POLR1C: variants seen among roughly 807,000 people sequenced by gnomAD.
The protein encoded by POLR1C is RNA polymerase I and III subunit C.
POLR1C carries 42 observed loss-of-function variants against 38.3 expected under a neutral mutation model. The ratio of observed to expected loss-of-function variants is 1.10; its 90% CI spans 0.86 to 1.42. The LOEUF (loss-of-function observed/expected upper bound fraction) is 1.42. Ranked by LOEUF, POLR1C falls within the 40% of genes most tolerant of loss-of-function variation. The probability of loss-of-function intolerance (pLI) is 0.00; values close to 1 mark genes in which losing one functional copy is unlikely to be tolerated. For synonymous variants in POLR1C, 163 were observed against 163.9 expected, an observed-to-expected ratio of 0.99 and a Z score of 0.04; for missense variants, 507 against 450.5, an observed-to-expected ratio of 1.13 and a Z score of -1.14.
At chr6:43,525,804 A>AAGGAGTAAAGGTATCACCTGCTC, downstream of POLR1C, 1 of 1,604,602 alleles carries the variant, frequency 6.2e-7, no homozygotes, top group Non-Finnish European at 8.5e-7. Flanking sequence ...CCACCTGGGC[A>AAGGAGTAAAGGTATCACCTGCTC]AGGAGTAAAG....
In POLR1C at chr6:43,553,462, C is replaced by T. The variant is rs111387355; in HGVS notation, c.*48+2451C>T. On this transcript the variant is annotated intron_variant, in intron 10 of 10. Transcript: ENST00000607635. ...CACTGCACGAATGAAGGTGAGAAGA[C>T]GGAACAGAGGCTTCCTTCTCCAGTT... is the stretch of plus-strand genomic sequence containing the variant. 1.7e-5 allele frequency: 27 copies of T among 1,577,190 alleles called. No homozygotes were observed. In the African/African-American group the frequency reaches 1.8e-4, roughly 10 times the overall value.
chr6:43,557,427 A>G (rs112903748), intron 10 of POLR1C, among the ~76,000 whole-genome samples: 1 of 151,402 alleles, frequency 6.6e-6, no homozygotes, highest in African/African-American at 2.4e-5. Context: ...CTCCATCTCA[A>G]AAAAAAAAGA....
Position 43,520,366 on chromosome 6 carries a change from C to T in POLR1C, c.594C>T (p.Leu198=), listed in dbSNP as rs762991769. The T allele has an allele frequency of 5.0e-6, 8 of 1,613,728 alleles. No individual in the cohort carries two copies. The highest frequency in any genetic ancestry group is 6.8e-6 in the Non-Finnish European group (8 of 1,180,044). The stretch of plus-strand genomic sequence containing the variant: ...TCCGACCAGTGCATGATGATATCCT[C>T]ATCGCTCAGCTGCGGCCTGGCCAAG... ...GTIRPVHDDI[L]IAQLRPGQEI... The change falls in exon 6 of 9, where the codon CTC becomes CTT. Residue 198 remains leucine, a synonymous_variant. Coordinates refer to ENST00000642195, the MANE Select transcript of POLR1C (RefSeq NM_203290.4).
chr6:43,534,282 CA>C (rs1446420106), downstream of POLR1C, among the ~76,000 whole-genome samples: 1 of 152,132 alleles, frequency 6.6e-6, no homozygotes, highest in African/African-American at 2.4e-5. Flanking sequence ...AGCTAGAAAG[CA>C]AAATTCTTTT....
intron 9 of POLR1C, chr6:43,538,839 C>G (rs1582211233): frequency 1.7e-6 from 2 of 1,201,080 alleles, no homozygotes. Flanking sequence ...GTAGCCACAG[C>G]TGGAGCCTGG....
rs1462732616 is a variant in POLR1C, at chr6:43,519,345, G to C, written c.154G>C (p.Asp52His). The C allele has an allele frequency of 1.2e-6, 2 of 1,607,290 alleles. No homozygotes were observed. Among genetic ancestry groups the C allele is most frequent in the Non-Finnish European group, 1.7e-6 (2 of 1,173,872 alleles). ...QDRFEKNFRV[D>H]VVHMDENSLE... Reference sequence around the variant, plus strand: ...CCTGTCCCTCTAGAATTTCCGTGTGGATGTAGTACACATGGATGAAAACTC... The same window carrying C: ...CCTGTCCCTCTAGAATTTCCGTGTGCATGTAGTACACATGGATGAAAACTC... The change falls in exon 3 of 9, where the codon GAT becomes CAT. Residue 52 changes from aspartate (D) to histidine (H), a missense_variant. Coordinates refer to ENST00000642195, the MANE Select transcript of POLR1C (RefSeq NM_203290.4).
intron 9 of POLR1C, among the ~76,000 whole-genome samples, chr6:43,548,777 A>C (rs1295982416): frequency 6.6e-6 from 1 of 151,342 alleles, no homozygotes; most frequent in Non-Finnish European, 1.5e-5. Flanking sequence ...ACTGCTGTGC[A>C]TTCAGAGAAG....
At chr6:43,551,812 C>G (rs945616299) in intron 10 of POLR1C, among the ~76,000 whole-genome samples, 6 of 151,830 alleles carry the variant, frequency 4.0e-5, no homozygotes, top group African/African-American at 1.5e-4. Context: ...ACTACTGGCA[C>G]GCACCACCAT....
Position 43,553,510 on chromosome 6 carries a change from A to AACACAC in POLR1C, c.*48+2509_*48+2514dup, listed in dbSNP as rs749301680. The AACACAC allele has an allele frequency of 1.1e-5, 17 of 1,503,530 alleles. No homozygotes were observed. In the African/African-American group the frequency reaches 2.0e-4, roughly 18 times the overall value. 93.1% of individuals were successfully genotyped at this position (1,503,530 alleles called of 1,614,324 possible). A position where few individuals can be genotyped will look rare whatever the true frequency, so the allele number is the denominator to read the frequency against. On this transcript the variant is annotated intron_variant, in intron 10 of 10. Transcript: ENST00000607635. ...GTTCCAACTGCAGAACAAGCTTTAA[A>AACACAC]ACACACACACACACATACACACACA...
chr6:43,551,576 G>A (rs1795230969), intron 10 of POLR1C: 6 of 1,137,364 alleles, frequency 5.3e-6, no homozygotes, highest in Non-Finnish European at 6.3e-6. Context: ...AGGCTGGAGT[G>A]CACAGTGGCA....
chr6:43,557,878 C>T (rs1762187274), intron 10 of POLR1C, among the ~76,000 whole-genome samples: 1 of 150,598 alleles, frequency 6.6e-6, no homozygotes, highest in South Asian at 2.1e-4. Flanking sequence ...GGCAGATGAC[C>T]TGAGGTCGGG....
chr6:43,540,997 G>A (rs1323160935), intron 9 of POLR1C, among the ~76,000 whole-genome samples: 1 of 151,986 alleles, frequency 6.6e-6, no homozygotes, highest in Non-Finnish European at 1.5e-5. Context: ...AAATAAGCCA[G>A]GCACAGAAAG....
In POLR1C at chr6:43,529,007, A is replaced by G; in HGVS notation, c.923-242A>G. Reference sequence around the variant, plus strand: ...GTGGTGGGTTGCACCCCTGGGCAGAATCAATCCCTAAAGGATTTGCCAGAT... The same window carrying G: ...GTGGTGGGTTGCACCCCTGGGCAGAGTCAATCCCTAAAGGATTTGCCAGAT... On this transcript the variant is annotated intron_variant, in intron 8 of 8. Coordinates refer to the POLR1C transcript ENST00000304004. The G allele has an allele frequency of 6.1e-6, 8 of 1,317,322 alleles. No individual in the cohort carries two copies. In the South Asian group the frequency reaches 8.2e-5, roughly 13 times the overall value. 81.6% of individuals were successfully genotyped at this position (1,317,322 alleles called of 1,614,324 possible). A position where few individuals can be genotyped will look rare whatever the true frequency, so the allele number is the denominator to read the frequency against.
Position 43,520,401 on chromosome 6 carries a change from T to C in POLR1C, c.629T>C (p.Leu210Pro). ...AQLRPGQEIDLLMHCVKGIGK... is the reference protein window; with the variant it reads ...AQLRPGQEIDPLMHCVKGIGK... ...CTGCGGCCTGGCCAAGAAATTGACC[T>C]GCTCATGCACTGTGTCAAGGGCATT... Residue 210 changes from leucine to proline, a missense_variant, in exon 6 of 9, where the codon CTG becomes CCG. Transcript: ENST00000642195. 6.2e-7 allele frequency: 1 copy of C among 1,613,844 alleles called. No individual in the cohort carries two copies. The highest frequency in any genetic ancestry group is 8.5e-7 in the Non-Finnish European group (1 of 1,180,028).
intron 9 of POLR1C, among the ~76,000 whole-genome samples, chr6:43,548,939 A>C (rs1462666984): frequency 2.6e-5 from 4 of 152,148 alleles, no homozygotes; most frequent in Non-Finnish European, 5.9e-5. Context: ...AGAGTTGTAG[A>C]ATTATAGGGG....
downstream of POLR1C, among the ~76,000 whole-genome samples, chr6:43,531,183 G>A (rs1457634728): frequency 1.3e-5 from 2 of 152,160 alleles, no homozygotes; most frequent in Non-Finnish European, 2.9e-5. Flanking sequence ...GCAGTGTAGG[G>A]TCTAAGCAAT....
downstream of POLR1C, chr6:43,530,872 G>C (rs1395358332): frequency 1.3e-6 from 2 of 1,583,940 alleles, no homozygotes; most frequent in South Asian, 1.2e-5. Flanking sequence ...TCCAACATCT[G>C]TTACTGCCAG....
downstream of POLR1C, chr6:43,531,493 G>A: frequency 6.2e-7 from 1 of 1,613,648 alleles, no homozygotes. Flanking sequence ...TTTCATAGAG[G>A]GTAGAGAAGA....
rs1384758290 is a variant in POLR1C at position 43,536,778 on chromosome 6, A to AC, written c.*4+7419_*4+7420insC. On this transcript the variant is annotated intron_variant, in intron 9 of 10. Coordinates refer to the POLR1C transcript ENST00000607635. ...CTATCTAAAAAAAAAAAAAAAAAAA[A>AC]AAAAAAAAAAAAGCAGCTTTACTTT... Among the ~76,000 whole-genome samples the AC allele has an allele frequency of 2.3e-4, 35 of 150,100 alleles. 1 individual carries two copies. The highest frequency in any genetic ancestry group is 7.1e-4 in the African/African-American group (29 of 40,968).
Sources: allele counts gnomAD v4.1 joint callset (sites outside exome capture counted in the v4.1 genomes callset), GRCh38; gene constraint gnomAD v4.1.1; transcripts MANE v1.5; gene names NCBI Gene and HGNC (gene_info 2026-07-23, HGNC 2026-07-21).